Variants in EMSY observed in about 807,000 individuals in gnomAD.
The protein encoded by EMSY is EMSY transcriptional repressor, BRCA2 interacting, also known as BRCA2-interacting transcriptional repressor EMSY.
In EMSY, 26 loss-of-function variants were observed where a neutral mutation model predicts 134.6. That is an observed-to-expected ratio of 0.19 (90% CI 0.14 to 0.27). The LOEUF (loss-of-function observed/expected upper bound fraction) is 0.27. Ranked by LOEUF, EMSY falls within the 10% of genes least tolerant of loss-of-function variation. The pLI is 1.00. For missense variants in EMSY, 1,305 were observed against 1,611.4 expected (o/e 0.81, Z 3.26); for synonymous variants, 579 against 577.8 (o/e 1.00, Z -0.03).
intron 12 of EMSY, among the ~76,000 whole-genome samples, chr11:76,525,334 C>G (rs1007004944): frequency 3.3e-5 from 5 of 152,124 alleles, no homozygotes; most frequent in African/African-American, 1.2e-4. Context: ...GTAATTACAG[C>G]AGATAGTTAA....
chr11:76,460,345 C>G (rs913372241), intron 6 of EMSY: 2 of 310,348 alleles, frequency 6.4e-6, no homozygotes, highest in Admixed American at 9.1e-5. Context: ...CTTAAGAATT[C>G]ACTTTTTTGA....
At chr11:76,448,769 G>C (rs1489606503) in intron 2 of EMSY, among the ~76,000 whole-genome samples, 1 of 151,810 alleles carries the variant, frequency 6.6e-6, no homozygotes, top group Non-Finnish European at 1.5e-5. Context: ...GTCTTCACAT[G>C]CTAACTCTAG....
intron 13 of EMSY, 78 bp downstream of exon 14, chr11:76,526,713 G>A: frequency 3.0e-6 from 4 of 1,332,176 alleles, no homozygotes; most frequent in Admixed American, 2.2e-5. Context: ...GAAATTTGAA[G>A]GAAAAGATCA....
chr11:76,523,674 C>G (rs1358207302), intron 12 of EMSY, among the ~76,000 whole-genome samples: 2 of 135,474 alleles, frequency 1.5e-5, no homozygotes, highest in African/African-American at 2.8e-5. Flanking sequence ...GGGATTAAGA[C>G]TAAATTAATT....
intron 2 of EMSY, among the ~76,000 whole-genome samples, chr11:76,450,601 C>A (rs953492739): frequency 2.0e-5 from 3 of 151,840 alleles, no homozygotes; most frequent in Admixed American, 1.3e-4. Flanking sequence ...AAGTGATCCT[C>A]CTACCTCAGC....
In EMSY at chr11:76,536,072, A is replaced by G; in HGVS notation, c.2359+13A>G. The G allele has an allele frequency of 6.6e-7, 1 of 1,505,680 alleles. No individual in the cohort carries two copies. The highest frequency in any genetic ancestry group is 8.9e-7 in the Non-Finnish European group (1 of 1,121,178). The allele number at this position is 1,505,680 out of a possible 1,614,324, so 93.3% of individuals were successfully genotyped here. On this transcript the variant is annotated intron_variant, in intron 15 of 20. Transcript: ENST00000334736. Reference sequence around the variant, plus strand: ...CAACAGACAACAGGTATGAATTCACATGCTCAATTGAATGAAGCATGTTTT... The same window carrying G: ...CAACAGACAACAGGTATGAATTCACGTGCTCAATTGAATGAAGCATGTTTT...
intron 4 of EMSY, 51 bp downstream of exon 4, chr11:76,453,439 A>C: frequency 6.6e-7 from 1 of 1,524,086 alleles, no homozygotes; most frequent in Non-Finnish European, 9.0e-7. Context: ...AGTATAACAC[A>C]GTTTTGAAAC....
At chr11:76,494,835 A>G (rs1399545888) in intron 8 of EMSY, among the ~76,000 whole-genome samples, 1 of 151,940 alleles carries the variant, frequency 6.6e-6, no homozygotes, top group Non-Finnish European at 1.5e-5. Context: ...TCCCAGGTTC[A>G]AGAGATTCTC....
At chr11:76,497,507 ATTG>A (rs1293335111) in intron 9 of EMSY, among the ~76,000 whole-genome samples, 5 of 152,182 alleles carry the variant, frequency 3.3e-5, no homozygotes, top group Non-Finnish European at 7.4e-5. Context: ...GAAGCTTTTA[ATTG>A]ATGAATTCCA....
intron 9 of EMSY, among the ~76,000 whole-genome samples, chr11:76,502,617 C>T (rs573464282): frequency 2.3e-4 from 34 of 150,994 alleles, no homozygotes; most frequent in Middle Eastern, 6.8e-3. Flanking sequence ...GGAAAGGTTG[C>T]GGGATACAAA....
chr11:76,462,438 A>C (rs1156581266), intron 6 of EMSY, among the ~76,000 whole-genome samples: 1 of 152,202 alleles, frequency 6.6e-6, no homozygotes, highest in East Asian at 1.9e-4. Context: ...TGGGGAAACA[A>C]ACCAATAAGA....
chr11:76,496,922 A>G (rs1949680541), intron 9 of EMSY: 1 of 269,036 alleles, frequency 3.7e-6, no homozygotes, highest in Non-Finnish European at 7.1e-6. Flanking sequence ...TTCCAATACT[A>G]TGCTGAATGA....
intron 15 of EMSY, 89 bp downstream of exon 16, chr11:76,536,148 A>T: frequency 1.2e-6 from 1 of 834,836 alleles, no homozygotes; most frequent in Non-Finnish European, 1.6e-6. Flanking sequence ...ATTTATTATT[A>T]CTATTATTTA....
At chr11:76,459,042 A>G (rs1947996792) in intron 5 of EMSY, 1 of 152,234 alleles carries the variant, frequency 6.6e-6, no homozygotes. Flanking sequence ...AGAGTAAGAC[A>G]CTTTTTTTAT....
chr11:76,509,479 C>T (rs1386431198), intron 9 of EMSY, among the ~76,000 whole-genome samples: 1 of 151,976 alleles, frequency 6.6e-6, no homozygotes, highest in Non-Finnish European at 1.5e-5. Context: ...GGTAACAGAG[C>T]GAGACTCCGT....
intron 20 of EMSY, among the ~76,000 whole-genome samples, chr11:76,548,532 G>C (rs1177365543): frequency 1.3e-5 from 2 of 152,158 alleles, no homozygotes; most frequent in East Asian, 1.9e-4. Flanking sequence ...GAACTGCAAC[G>C]ATCTTCACAG....
At chr11:76,550,329 G>A in exon 21 of EMSY, 1 of 416,350 alleles carries the variant, frequency 2.4e-6, no homozygotes, top group South Asian at 1.3e-4. Flanking sequence ...AACTCACAGG[G>A]GAATGTACTT....
At chr11:76,465,678 T>A (rs919360830) in intron 7 of EMSY, among the ~76,000 whole-genome samples, 16 of 152,206 alleles carry the variant, frequency 1.1e-4, no homozygotes, top group Non-Finnish European at 2.4e-4. Flanking sequence ...GACAATTTTT[T>A]AAATGTTTTC....
chr11:76,490,026 C>T (rs1347956786), intron 8 of EMSY, among the ~76,000 whole-genome samples: 1 of 152,114 alleles, frequency 6.6e-6, no homozygotes, highest in Non-Finnish European at 1.5e-5. Flanking sequence ...AATCTCTGAC[C>T]TTTAATTGGA....
Sources: gnomAD v4.1 joint callset for allele counts (sites outside exome capture counted in the v4.1 genomes callset) on GRCh38, gnomAD v4.1.1 for gene constraint, MANE v1.5 for transcripts, NCBI Gene and HGNC (gene_info 2026-07-23, HGNC 2026-07-21) for gene names.